Variants in SLC9A3 observed in about 807,000 individuals in gnomAD.
SLC9A3 encodes the protein solute carrier family 9 member A3, also known as sodium/hydrogen exchanger 3.
In SLC9A3, 37 loss-of-function variants were observed where a neutral mutation model predicts 86.8. The ratio of observed to expected loss-of-function variants is 0.43; its 90% CI spans 0.33 to 0.56. The LOEUF is 0.56. Ranked by LOEUF, SLC9A3 falls within the 20% of genes least tolerant of loss-of-function variation. The pLI, the probability that SLC9A3 is intolerant of heterozygous loss-of-function variation, is 0.06. For missense variants in SLC9A3, 1,011 were observed against 1,171.9 expected (o/e 0.86, Z 2.00); for synonymous variants, 581 against 528.3 (o/e 1.10, Z -1.37).
chr5:518,669 G>C (rs1428706435), intron 1 of SLC9A3, among the ~76,000 whole-genome samples: 1 of 152,206 alleles, frequency 6.6e-6, no homozygotes, highest in Admixed American at 6.5e-5. Context: ...TCCTGGAGAA[G>C]CCGGCAGTGG....
chr5:524,310 C>A lies in SLC9A3; in HGVS notation c.13G>T (p.Gly5Trp). The stretch of plus-strand genomic sequence containing the variant: ...AGCCCCCGGTCGGGGCCCCGGGCCC[C>A]GAGTCCCCACATTGCCGCCTGCTCA... MWGL[G>W]ARGPDRGLLL... Residue 5 changes from glycine to tryptophan, a missense_variant, in exon 1 of 17, where the codon GGG (glycine) becomes TGG (tryptophan). Gly to Trp is a radical substitution (Grantham distance 184, BLOSUM62 -2). Coordinates refer to ENST00000264938, the MANE Select transcript of SLC9A3 (RefSeq NM_004174.4). 1 of 1,275,486 alleles carries A rather than the reference C, an allele frequency of 7.8e-7. No individual in the cohort carries two copies. Among genetic ancestry groups the A allele is most frequent in the Admixed American group, 3.9e-5 (1 of 25,754 alleles). 79.0% of individuals were successfully genotyped at this position (1,275,486 alleles called of 1,614,324 possible).
rs1738401700 is a variant in SLC9A3, at chr5:472,282, G to A, written c.*1097C>T. ...GGGTGGGAAGGGTCAGGGGTCCGGG[G>A]TCTAGGACAGGCTCAGGGGTCTCAG... On this transcript the variant is annotated 3_prime_UTR_variant, in exon 17 of 17. Coordinates refer to ENST00000264938, the MANE Select transcript of SLC9A3 (RefSeq NM_004174.4). The A allele has an allele frequency of 8.6e-6, 3 of 348,178 alleles. No homozygotes were observed. Among genetic ancestry groups the A allele is most frequent in the South Asian group, 2.2e-5 (1 of 45,726 alleles). 21.6% of individuals were successfully genotyped at this position (348,178 alleles called of 1,614,324 possible).
intron 1 of SLC9A3, among the ~76,000 whole-genome samples, chr5:509,003 G>A (rs769010233): frequency 6.6e-6 from 1 of 152,070 alleles, no homozygotes; most frequent in Non-Finnish European, 1.5e-5. Flanking sequence ...AGCTACTTGG[G>A]AGGCTGAGGC....
At chr5:479,655 C>T (rs1375298130) in intron 10 of SLC9A3, 181 bp downstream of exon 10, 18 of 607,196 alleles carry the variant, frequency 3.0e-5, no homozygotes, top group Non-Finnish European at 5.3e-5. Context: ...CTCAGTTTAC[C>T]CCACGAGAGC....
intron 1 of SLC9A3, among the ~76,000 whole-genome samples, chr5:500,358 C>T (rs929350728): frequency 3.9e-5 from 6 of 152,208 alleles, no homozygotes; most frequent in Admixed American, 2.0e-4. Flanking sequence ...ACACGGCATG[C>T]GACTGGCGTG....
intron 1 of SLC9A3, among the ~76,000 whole-genome samples, chr5:498,087 C>T (rs1484902235): frequency 1.3e-5 from 2 of 152,214 alleles, no homozygotes; most frequent in African/African-American, 4.8e-5. Flanking sequence ...TTTCTCCGCA[C>T]TCCTGGACGT....
intron 3 of SLC9A3, among the ~76,000 whole-genome samples, chr5:485,769 A>T (rs12522575): frequency 0.2 from 30,097 of 152,234 alleles, 3,877 homozygotes; most frequent in Non-Finnish European, 0.28. Flanking sequence ...CTGGCTCTGC[A>T]CCCAGCTCTG....
At chr5:474,059 G>A (rs879421136) in intron 16 of SLC9A3, among the ~76,000 whole-genome samples, 3 of 152,242 alleles carry the variant, frequency 2.0e-5, no homozygotes, top group Non-Finnish European at 4.4e-5. Flanking sequence ...GCGGCCAGCA[G>A]GGCGCTAGAG....
chr5:476,915 C>T (rs1738780482), intron 11 of SLC9A3, among the ~76,000 whole-genome samples: 3 of 152,250 alleles, frequency 2.0e-5, no homozygotes, highest in South Asian at 2.1e-4. Context: ...GGGTCCCTTT[C>T]CTTACTGGTC....
Position 509,477 on chromosome 5 carries a change from G to A in SLC9A3, c.211+14635C>T, listed in dbSNP as rs1043998745. Among the ~76,000 whole-genome samples, 11 of 139,524 alleles carry A rather than the reference G, an allele frequency of 7.9e-5. No homozygotes were observed. In the South Asian group the frequency reaches 9.5e-4, roughly 12 times the overall value. The allele number at this position is 139,524 out of a possible 152,430, so 91.5% of individuals were successfully genotyped here. A position where few individuals can be genotyped will look rare whatever the true frequency, so the allele number is the denominator to read the frequency against. The stretch of plus-strand genomic sequence containing the variant: ...AAGGAAGGAGGGAGGGAGGGAAGGA[G>A]GGAGGGAGGGAGGGAAAGAAGGAAG... On this transcript the variant is annotated intron_variant, in intron 1 of 16. Transcript: ENST00000264938.
At chr5:516,907 G>A (rs528441846) in intron 1 of SLC9A3, among the ~76,000 whole-genome samples, 3 of 152,308 alleles carry the variant, frequency 2.0e-5, no homozygotes, top group South Asian at 4.1e-4. Context: ...TAATTCAGCC[G>A]AGGAGCTGAG....
At position 483,345 on chromosome 5, in the gene SLC9A3, G is replaced by A. The variant is rs762346824; in HGVS notation, c.1070C>T (p.Ser357Leu). The A allele has an allele frequency of 1.3e-6, 2 of 1,567,634 alleles. No individual in the cohort carries two copies. The highest frequency in any genetic ancestry group is 2.3e-5 in the South Asian group (2 of 85,274). The change falls in exon 6 of 17, where the codon TCG becomes TTG. Residue 357 changes from serine (S) to leucine (L), a missense_variant. Around this residue, in one of 3 missense-constraint regions of SLC9A3, gnomAD observed 565 missense variants for 790.0 expected, o/e 0.72. Transcript: ENST00000264938. ...GGTCCAGATGAACGGGTTCACGGCC[G>A]AGATACCCAGGAACATGAAGATGAT... ...ETIIFMFLGI[S>L]AVNPFIWTWN... is the part of the protein sequence containing the mutation.
intron 1 of SLC9A3, among the ~76,000 whole-genome samples, chr5:501,214 G>T (rs1440221871): frequency 6.6e-6 from 1 of 152,152 alleles, no homozygotes; most frequent in Admixed American, 6.5e-5. Context: ...GCCCCGGGGG[G>T]CTCAGGAAGG....
Position 491,991 on chromosome 5 carries a change from T to C in SLC9A3, c.292A>G (p.Ile98Val). The change falls in exon 2 of 17, where the codon ATC (isoleucine) becomes GTC (valine). Residue 98 changes from isoleucine to valine, a missense_variant. Physicochemically the swap from Ile to Val is conservative, Grantham distance 29. This residue lies in a region of SLC9A3 where 565 missense variants were observed against 790.0 expected (regional missense o/e 0.72). Coordinates refer to ENST00000264938, the MANE Select transcript of SLC9A3 (RefSeq NM_004174.4). This position sits in a 1 kb window ranked among gnomAD's most constrained non-coding sequence, Gnocchi z 9.2. ...GCGATGTGGTCGGCCGCCCAGACGA[T>C]GCCGCCCAGCACCAGGCCCAGCACG... Reference protein sequence around the residue: ...LIVLGLVLGGIVWAADHIASF... With the variant: ...LIVLGLVLGGVVWAADHIASF... 6.2e-7 allele frequency: 1 copy of C among 1,600,422 alleles called. No homozygotes were observed. The highest frequency in any genetic ancestry group is 1.4e-5 in the African/African-American group (1 of 73,350).
At chr5:519,925 G>A (rs1412566722) in intron 1 of SLC9A3, among the ~76,000 whole-genome samples, 2 of 152,186 alleles carry the variant, frequency 1.3e-5, no homozygotes, top group Non-Finnish European at 2.9e-5. Flanking sequence ...GCGAGGCACT[G>A]CAGACTCCAG....
chr5:488,050 C>T (rs1295168550), intron 3 of SLC9A3, among the ~76,000 whole-genome samples: 6 of 152,222 alleles, frequency 3.9e-5, no homozygotes, highest in Non-Finnish European at 7.3e-5. Context: ...ACCAGGAGGG[C>T]GGGATTTCAA....
In SLC9A3 at chr5:471,709, C is replaced by T. The variant is rs550104887; in HGVS notation, c.*1670G>A. 2.3e-6 allele frequency: 1 copy of T among 443,466 alleles called. No individual in the cohort carries two copies. Among genetic ancestry groups the T allele is most frequent in the East Asian group, 7.0e-5 (1 of 14,290 alleles). 27.5% of individuals were successfully genotyped at this position (443,466 alleles called of 1,614,324 possible). On this transcript the variant is annotated 3_prime_UTR_variant, in exon 17 of 17. Coordinates refer to ENST00000264938, the MANE Select transcript of SLC9A3 (RefSeq NM_004174.4). ...GGCTACGAAGTGTGGAGAATAACCA[C>T]TGAATCCCAAAAAGTCACTGCGCTT...
intron 1 of SLC9A3, among the ~76,000 whole-genome samples, chr5:515,004 C>T (rs1370297893): frequency 6.6e-6 from 1 of 152,164 alleles, no homozygotes; most frequent in Non-Finnish European, 1.5e-5. Flanking sequence ...CAGCACAAAG[C>T]CCTCGGGGAT....
At position 491,806 on chromosome 5, in the gene SLC9A3, C is replaced by G. The variant is rs1310361336; in HGVS notation, c.477G>C (p.Gly159=). ...VGTVWNAATT[G]LSLYGVFLSG... ...TGAGGAAGACGCCGTAGAGGGACAG[C>G]CCGGTGGTGGCCGCGTTCCACACGG... The change falls in exon 2 of 17, where the codon GGG becomes GGC. Residue 159 remains glycine, a synonymous_variant. Coordinates refer to ENST00000264938, the MANE Select transcript of SLC9A3 (RefSeq NM_004174.4). This position sits in a 1 kb window ranked among gnomAD's most constrained non-coding sequence, Gnocchi z 9.2. The G allele has an allele frequency of 6.3e-7, 1 of 1,584,456 alleles. No homozygotes were observed. Among genetic ancestry groups the G allele is most frequent in the Non-Finnish European group, 8.6e-7 (1 of 1,165,522 alleles).
Sources: allele counts gnomAD v4.1 joint callset (sites outside exome capture counted in the v4.1 genomes callset), GRCh38; gene constraint gnomAD v4.1.1; regional missense constraint gnomAD v4.1.1; non-coding constraint Gnocchi (gnomAD v3.1); transcripts MANE v1.5; gene names NCBI Gene and HGNC (gene_info 2026-07-23, HGNC 2026-07-21).